Variants in SLC35D4 observed in about 807,000 individuals in gnomAD.
SLC35D4 encodes the protein solute carrier family 35 member D4, also known as UDP-N-acetylglucosamine transporter SLC35D4.
chr18:23,384,883 G>C, the SLC35D4 span: 1 of 930,460 alleles, frequency 1.1e-6, no homozygotes, highest in Admixed American at 2.1e-5. Context: ...CTTGCCTGGA[G>C]ATTGGTGGCA....
chr18:23,286,400 C>T, the SLC35D4 span, among the ~76,000 whole-genome samples: 4 of 152,278 alleles, frequency 2.6e-5, no homozygotes, highest in African/African-American at 9.6e-5. Context: ...TGCAGGACCC[C>T]ACTGGAAATC....
At chr18:23,306,372 T>C in the SLC35D4 span, among the ~76,000 whole-genome samples, 1 of 152,104 alleles carries the variant, frequency 6.6e-6, no homozygotes, top group African/African-American at 2.4e-5. Context: ...AATGGCGCGA[T>C]CTCGGCTCAC....
At chr18:23,421,308 T>C in the SLC35D4 span, 2 of 1,381,232 alleles carry the variant, frequency 1.4e-6, no homozygotes, top group Non-Finnish European at 2.1e-6. Context: ...TGAAATTATA[T>C]AATATCAAAA....
the SLC35D4 span, among the ~76,000 whole-genome samples, chr18:23,300,997 A>G: frequency 6.6e-6 from 1 of 152,266 alleles, no homozygotes; most frequent in Admixed American, 6.5e-5. Flanking sequence ...ACCTGGCTGC[A>G]GGCCCTGCGC....
the SLC35D4 span, among the ~76,000 whole-genome samples, chr18:23,427,425 T>C: frequency 1.3e-5 from 2 of 152,154 alleles, no homozygotes; most frequent in East Asian, 3.9e-4. Flanking sequence ...AAAATGCTCA[T>C]CATCACTGGC....
the SLC35D4 span, among the ~76,000 whole-genome samples, chr18:23,409,251 T>C: frequency 5.3e-5 from 8 of 152,224 alleles, no homozygotes; most frequent in African/African-American, 1.9e-4. Context: ...AAAACCACTG[T>C]TAATACCTTA....
chr18:23,240,138 G>GCGGCAGGAAATGATGGAAGGGTTGGA, the SLC35D4 span, among the ~76,000 whole-genome samples: 1 of 152,052 alleles, frequency 6.6e-6, no homozygotes, highest in Non-Finnish European at 1.5e-5. Flanking sequence ...AACAAAAACA[G>GCGGCAGGAAATGATGGAAGGGTTGGA]CGGCAGGAAA....
the SLC35D4 span, among the ~76,000 whole-genome samples, chr18:23,309,228 T>TTG: frequency 8.4e-3 from 1,223 of 145,758 alleles, 8 homozygotes; most frequent in East Asian, 0.023. Flanking sequence ...AAAGGGCTGA[T>TTG]TGTGTGTGTG....
the SLC35D4 span, among the ~76,000 whole-genome samples, chr18:23,247,248 T>C: frequency 6.6e-6 from 1 of 152,202 alleles, no homozygotes; most frequent in South Asian, 2.1e-4. Flanking sequence ...TGCCGGAGAA[T>C]CATGACCTCC....
chr18:23,244,666 A>G, the SLC35D4 span, among the ~76,000 whole-genome samples: 4 of 152,332 alleles, frequency 2.6e-5, no homozygotes, highest in South Asian at 2.1e-4. Flanking sequence ...AAAGCAAAAG[A>G]GCCTAATTTC....
At chr18:23,433,778 T>C in the SLC35D4 span, among the ~76,000 whole-genome samples, 1 of 152,030 alleles carries the variant, frequency 6.6e-6, no homozygotes, top group Admixed American at 6.5e-5. Context: ...ATAGGAGAAC[T>C]GCTGAAGGAG....
the SLC35D4 span, among the ~76,000 whole-genome samples, chr18:23,372,178 C>T: frequency 4.3e-4 from 65 of 151,576 alleles, no homozygotes; most frequent in African/African-American, 1.5e-3. Context: ...CCTCGTGATC[C>T]GCCCGCCTCG....
the SLC35D4 span, among the ~76,000 whole-genome samples, chr18:23,374,932 T>A: frequency 2.0e-5 from 3 of 151,936 alleles, no homozygotes; most frequent in African/African-American, 7.3e-5. Context: ...CTGGCCAATA[T>A]GGTAAAACCC....
the SLC35D4 span, among the ~76,000 whole-genome samples, chr18:23,281,881 C>CCAG: frequency 1.3e-5 from 2 of 152,218 alleles, no homozygotes; most frequent in Admixed American, 1.3e-4. Flanking sequence ...GTAACAAAGA[C>CCAG]CAGCACCCAG....
At chr18:23,426,273 G>A in the SLC35D4 span, among the ~76,000 whole-genome samples, 4 of 151,886 alleles carry the variant, frequency 2.6e-5, no homozygotes, top group Admixed American at 2.6e-4. Flanking sequence ...CAAATTAAAA[G>A]GCAAAGAACA....
chr18:23,363,881 C>T, the SLC35D4 span, among the ~76,000 whole-genome samples: 1 of 152,196 alleles, frequency 6.6e-6, no homozygotes, highest in African/African-American at 2.4e-5. Flanking sequence ...CAGCAAATGA[C>T]AGCAGAGAGG....
chr18:23,339,777 C>G, the SLC35D4 span, among the ~76,000 whole-genome samples: 1 of 152,174 alleles, frequency 6.6e-6, no homozygotes, highest in Non-Finnish European at 1.5e-5. Context: ...TCACGGCATC[C>G]TCAAGGTGGA....
chr18:23,282,394 G>T, the SLC35D4 span, among the ~76,000 whole-genome samples: 12 of 152,216 alleles, frequency 7.9e-5, no homozygotes, highest in Admixed American at 2.0e-4. Flanking sequence ...CTGCGAGTCC[G>T]GCCACTGAAA....
chr18:23,374,170 ACTACGGAAATTGC>A, the SLC35D4 span, among the ~76,000 whole-genome samples: 1 of 152,246 alleles, frequency 6.6e-6, no homozygotes, highest in Non-Finnish European at 1.5e-5. Context: ...AAATGAAAAC[ACTACGGAAATTGC>A]ATTAAAATCC....
Sources: gnomAD v4.1 joint callset for allele counts (sites outside exome capture counted in the v4.1 genomes callset) on GRCh38, gnomAD v4.1.1 for gene constraint, MANE v1.5 for transcripts, NCBI Gene and HGNC (gene_info 2026-07-23, HGNC 2026-07-21) for gene names.